WIPI1: variants seen among roughly 807,000 people sequenced by gnomAD.
WIPI1 encodes the protein WD repeat domain phosphoinositide-interacting protein 1.
In WIPI1, 45 loss-of-function variants were observed where a neutral mutation model predicts 55.3. The ratio of observed to expected loss-of-function variants is 0.81; its 90% CI spans 0.64 to 1.04. The LOEUF (loss-of-function observed/expected upper bound fraction) is 1.04, where lower values mean the gene tolerates loss of function less well. Ranked by LOEUF, WIPI1 falls within the 50% of genes least tolerant of loss-of-function variation. WIPI1 has a pLI of 0.00. For synonymous variants in WIPI1, 195 were observed against 217.6 expected (o/e 0.90, Z 0.92); for missense variants, 445 against 559.0 (o/e 0.80, Z 2.06).
At chr17:68,427,583 C>G (rs1342457870) in intron 10 of WIPI1, 1 of 190,796 alleles carries the variant, frequency 5.2e-6, no homozygotes, top group Admixed American at 5.8e-5. Flanking sequence ...TCTCGAACTC[C>G]TGACCTCAGG....
intron 3 of WIPI1, among the ~76,000 whole-genome samples, chr17:68,450,166 A>AC (rs1406949366): frequency 1.3e-5 from 2 of 151,868 alleles, no homozygotes; most frequent in Non-Finnish European, 2.9e-5. Flanking sequence ...AATGCTACAA[A>AC]AAAAACAAAA....
chr17:68,425,466 C>T (rs1481033125), intron 12 of WIPI1, among the ~76,000 whole-genome samples: 1 of 151,290 alleles, frequency 6.6e-6, no homozygotes, highest in African/African-American at 2.4e-5. Flanking sequence ...AGCAATCCTC[C>T]AGCCTCGGCC....
At chr17:68,430,364 A>G (rs3744306) in intron 8 of WIPI1, among the ~76,000 whole-genome samples, 6,333 of 152,304 alleles carry the variant, frequency 0.042, 252 homozygotes, top group South Asian at 0.2. Context: ...TTTGTTCTTC[A>G]GAAGAGCCAT....
chr17:68,427,415 G>A (rs1356670788), intron 10 of WIPI1, 162 bp from the exon 11 acceptor site: 1 of 519,240 alleles, frequency 1.9e-6, no homozygotes, highest in African/African-American at 2.0e-5. Flanking sequence ...GGAGTGCAGT[G>A]GCGCAATCTC....
intron 8 of WIPI1, among the ~76,000 whole-genome samples, chr17:68,432,405 T>C (rs2083569085): frequency 6.6e-6 from 1 of 152,202 alleles, no homozygotes; most frequent in African/African-American, 2.4e-5. Flanking sequence ...CACCTCTCTT[T>C]CAGCCTTGTG....
intron 7 of WIPI1, among the ~76,000 whole-genome samples, 185 bp from the exon 8 acceptor site, chr17:68,433,760 GTTTTTTTTTTTTTTTTTTTTTTTTT>G (rs556777098): frequency 1.2e-4 from 9 of 72,822 alleles, no homozygotes; most frequent in South Asian, 5.5e-4. Context: ...AAGGGTCATA[GTTTTTTTTTTTTTTTTTTTTTTTTT>G]TTTTTTTTTT....
chr17:68,434,449 G>C (rs1568633855), intron 7 of WIPI1, 107 bp downstream of exon 7: 1 of 1,089,702 alleles, frequency 9.2e-7, no homozygotes, highest in Non-Finnish European at 1.3e-6. Context: ...TCCTCCAGGT[G>C]AGTGGAGGGC....
intron 5 of WIPI1, 72 bp from the exon 6 acceptor site, chr17:68,435,784 CCT>C: frequency 2.2e-6 from 3 of 1,355,628 alleles, no homozygotes; most frequent in Non-Finnish European, 3.2e-6. Flanking sequence ...CCCTCCCCTT[CCT>C]CTTTTCTCCT....
At chr17:68,445,714 T>C (rs150600741) in intron 3 of WIPI1, among the ~76,000 whole-genome samples, 46 of 152,310 alleles carry the variant, frequency 3.0e-4, no homozygotes, top group Middle Eastern at 3.4e-3. Flanking sequence ...TAAAGGAATA[T>C]AACGCATAGC....
Position 68,441,503 on chromosome 17 carries a change from A to G in WIPI1, c.430+2990T>C, listed in dbSNP as rs999679366. Among the ~76,000 whole-genome samples the G allele has an allele frequency of 9.8e-5, 15 of 152,368 alleles. No individual in the cohort carries two copies. In the East Asian group the frequency reaches 2.5e-3, roughly 25 times the overall value. On this transcript the variant is annotated intron_variant, in intron 4 of 12. Coordinates refer to ENST00000262139, the MANE Select transcript of WIPI1 (RefSeq NM_017983.7). ...TCTTATTTCTTTGTTCAGAAAATAA[A>G]CTAGAGGATGAGAACAGATAAGGCG...
In WIPI1 at chr17:68,433,760, GT is replaced by G. The variant is rs556777098; in HGVS notation, c.693-186del. Among the ~76,000 whole-genome samples, 470 of 72,824 alleles carry G rather than the reference GT, an allele frequency of 6.5e-3. 19 individuals are homozygous for G. The highest frequency in any genetic ancestry group is 0.013 in the East Asian group (22 of 1,662). The allele number at this position is 72,824 out of a possible 152,430, so 47.8% of individuals were successfully genotyped here. On this transcript the variant is annotated intron_variant, in intron 7 of 12. Coordinates refer to ENST00000262139, the MANE Select transcript of WIPI1 (RefSeq NM_017983.7). ...TCAGAAAGATTCACAAAGGGTCATA[GT>G]TTTTTTTTTTTTTTTTTTTTTTTTT...
chr17:68,456,347 T>C, intron 1 of WIPI1, among the ~76,000 whole-genome samples: 1 of 152,230 alleles, frequency 6.6e-6, no homozygotes, highest in Non-Finnish European at 1.5e-5. Flanking sequence ...AGGATCAATA[T>C]TAGCGTAGCT....
intron 8 of WIPI1, among the ~76,000 whole-genome samples, chr17:68,431,790 A>AGAGCC (rs2083538197): frequency 6.7e-6 from 1 of 150,008 alleles, no homozygotes; most frequent in Non-Finnish European, 1.5e-5. Context: ...GAGAACCCAG[A>AGAGCC]ACAGCTTGGA....
intron 7 of WIPI1, among the ~76,000 whole-genome samples, 161 bp from the exon 8 acceptor site, chr17:68,433,736 C>G (rs1390602899): frequency 7.5e-6 from 1 of 133,202 alleles, no homozygotes; most frequent in Non-Finnish European, 1.5e-5. Context: ...AAATTAATGT[C>G]AGAAAGATTC....
intron 3 of WIPI1, among the ~76,000 whole-genome samples, chr17:68,447,396 T>C (rs2084325290): frequency 6.6e-6 from 1 of 152,192 alleles, no homozygotes; most frequent in Non-Finnish European, 1.5e-5. Flanking sequence ...TTTTATTTTT[T>C]ATAGAGACAG....
intron 12 of WIPI1, among the ~76,000 whole-genome samples, chr17:68,424,858 CAG>C (rs1170525799): frequency 1.3e-5 from 2 of 152,224 alleles, no homozygotes; most frequent in African/African-American, 2.4e-5. Flanking sequence ...GCCTGGGTGA[CAG>C]AGCAAGACTC....
chr17:68,456,500 G>A (rs1287465935), intron 1 of WIPI1, among the ~76,000 whole-genome samples: 1 of 151,800 alleles, frequency 6.6e-6, no homozygotes, highest in Non-Finnish European at 1.5e-5. Flanking sequence ...ATGAAAATAG[G>A]GAAAGAAACA....
intron 5 of WIPI1, 73 bp downstream of exon 5, chr17:68,436,309 C>T (rs2083783732): frequency 1.4e-6 from 2 of 1,413,238 alleles, no homozygotes; most frequent in East Asian, 4.6e-5. Context: ...GGCAGGGCGT[C>T]CTTATCTATC....
At chr17:68,425,949 C>T (rs2083139953) in intron 12 of WIPI1, 126 bp downstream of exon 12, 1 of 729,814 alleles carries the variant, frequency 1.4e-6, no homozygotes. Flanking sequence ...TTTCCAAATA[C>T]TAGAGCAGAG....
Sources: allele counts gnomAD v4.1 joint callset (sites outside exome capture counted in the v4.1 genomes callset), GRCh38; gene constraint gnomAD v4.1.1; transcripts MANE v1.5; gene names NCBI Gene and HGNC (gene_info 2026-07-23, HGNC 2026-07-21).